The following DIS3L2 variants were observed in gnomAD, a reference collection of about 807,000 sequenced individuals.
The protein encoded by DIS3L2 is DIS3 like 3'-5' exoribonuclease 2, also known as DIS3-like exonuclease 2.
DIS3L2 carries 34 observed loss-of-function variants against 97.5 expected under a neutral mutation model. The ratio of observed to expected loss-of-function variants is 0.35; its 90% CI spans 0.27 to 0.46. The LOEUF is 0.46. Among genes scored for constraint, DIS3L2 ranks in the 20% least tolerant of loss-of-function variants. The pLI is 1.00. For synonymous variants in DIS3L2, 435 were observed against 445.2 expected (o/e 0.98, Z 0.29); for missense variants, 1,038 against 1,146.0 (o/e 0.91, Z 1.36).
At chr2:232,298,364 A>G (rs1188550532) in intron 13 of DIS3L2, among the ~76,000 whole-genome samples, 1 of 152,240 alleles carries the variant, frequency 6.6e-6, no homozygotes, top group Non-Finnish European at 1.5e-5. Flanking sequence ...AATGGACAGA[A>G]TGAATATAGA....
chr2:232,043,149 A>G (rs1695153465), intron 5 of DIS3L2, among the ~76,000 whole-genome samples: 1 of 152,042 alleles, frequency 6.6e-6, no homozygotes, highest in African/African-American at 2.4e-5. Context: ...TTTGTTTCTT[A>G]CTCATGCTCA....
chr2:232,133,144 G>T (rs911725192), intron 7 of DIS3L2, among the ~76,000 whole-genome samples: 6 of 152,144 alleles, frequency 3.9e-5, no homozygotes, highest in African/African-American at 1.4e-4. Context: ...CAATAAAGGT[G>T]ATCCTGCCAC....
chr2:231,983,148 C>T (rs1693309801), intron 1 of DIS3L2, among the ~76,000 whole-genome samples: 1 of 152,152 alleles, frequency 6.6e-6, no homozygotes, highest in Admixed American at 6.5e-5. Flanking sequence ...TATTTGAGAT[C>T]ATCAGAGAGG....
At chr2:232,165,161 G>A (rs1414496173) in intron 9 of DIS3L2, among the ~76,000 whole-genome samples, 1 of 152,142 alleles carries the variant, frequency 6.6e-6, no homozygotes, top group Non-Finnish European at 1.5e-5. Context: ...CATTAATAAA[G>A]GAATGGTTTA....
At chr2:232,131,745 AAT>A (rs1303843709) in intron 7 of DIS3L2, 1 of 152,096 alleles carries the variant, frequency 6.6e-6, no homozygotes, top group Non-Finnish European at 1.5e-5. Context: ...CAAGTTGATT[AAT>A]AGAGTATTGC....
chr2:231,999,603 C>T (rs911693179), intron 1 of DIS3L2, among the ~76,000 whole-genome samples: 2 of 152,096 alleles, frequency 1.3e-5, no homozygotes, highest in African/African-American at 2.4e-5. Context: ...TTTGTTCCAT[C>T]TAGGATATAT....
chr2:232,162,486 A>G (rs1258868789), intron 8 of DIS3L2, among the ~76,000 whole-genome samples: 1 of 152,218 alleles, frequency 6.6e-6, no homozygotes, highest in Non-Finnish European at 1.5e-5. Context: ...TGCACATAAG[A>G]ACTCCAGCAG....
Position 232,238,715 on chromosome 2 carries a change from C to T in DIS3L2, c.1317+70C>T, listed in dbSNP as rs77946099. On this transcript the variant is annotated intron_variant, in intron 11 of 20. Transcript: ENST00000325385. ...GTTTGTTTCCCTGGAAGAGTGTGTG[C>T]TCTCTGTTATTACATGTTCTCCGGA... 4.3e-5 allele frequency: 58 copies of T among 1,354,572 alleles called. 2 individuals carry two copies. The East Asian group carries it at 1.4e-3, about 33-fold the overall frequency. The allele number at this position is 1,354,572 out of a possible 1,614,324, so 83.9% of individuals were successfully genotyped here.
chr2:231,986,530 T>A (rs1329014118), intron 1 of DIS3L2, among the ~76,000 whole-genome samples: 1 of 152,222 alleles, frequency 6.6e-6, no homozygotes, highest in Non-Finnish European at 1.5e-5. Flanking sequence ...TATGTTTCCT[T>A]TACCTCCTTT....
intron 16 of DIS3L2, among the ~76,000 whole-genome samples, chr2:232,332,756 C>G (rs1695777339): frequency 6.6e-6 from 1 of 152,208 alleles, no homozygotes; most frequent in Non-Finnish European, 1.5e-5. Flanking sequence ...AGGCCGGAAA[C>G]TGCCTCCCTT....
chr2:232,343,499 A>G (rs1696160553), exon 14 of DIS3L2: 3 of 1,557,162 alleles, frequency 1.9e-6, no homozygotes, highest in Non-Finnish European at 2.6e-6. Context: ...TTCCTTCAGC[A>G]ACAGAGCCGT....
chr2:232,194,215 G>A (rs1014488291), intron 9 of DIS3L2, among the ~76,000 whole-genome samples: 1 of 151,920 alleles, frequency 6.6e-6, no homozygotes, highest in Non-Finnish European at 1.5e-5. Flanking sequence ...AAATATTAAT[G>A]TATATAGATA....
chr2:232,056,298 G>C (rs564174126), intron 5 of DIS3L2, among the ~76,000 whole-genome samples: 101 of 152,244 alleles, frequency 6.6e-4, no homozygotes, highest in African/African-American at 2.2e-3. Flanking sequence ...TTGAACTTGG[G>C]AGGTGGAGGT....
intron 9 of DIS3L2, among the ~76,000 whole-genome samples, chr2:232,192,614 C>T (rs1691643918): frequency 1.3e-5 from 2 of 152,154 alleles, no homozygotes; most frequent in South Asian, 2.1e-4. Flanking sequence ...AGTCGCGGCA[C>T]CCTCCCTCTG....
intron 8 of DIS3L2, among the ~76,000 whole-genome samples, chr2:232,162,829 C>T (rs1041832072): frequency 1.3e-5 from 2 of 152,180 alleles, no homozygotes; most frequent in Admixed American, 1.3e-4. Flanking sequence ...GATCTGCCTT[C>T]TGAAAGGTGG....
At chr2:231,982,544 T>C (rs560331564) in intron 1 of DIS3L2, among the ~76,000 whole-genome samples, 1 of 152,344 alleles carries the variant, frequency 6.6e-6, no homozygotes, top group Non-Finnish European at 1.5e-5. Context: ...AAGAATGTTT[T>C]ATTTCTTTTC....
intron 9 of DIS3L2, among the ~76,000 whole-genome samples, chr2:232,167,301 A>T (rs2106167347): frequency 6.6e-6 from 1 of 152,306 alleles, no homozygotes; most frequent in African/African-American, 2.4e-5. Context: ...GTGAAAATAG[A>T]AAAATAAAAA....
chr2:232,199,316 T>C (rs1691833401), intron 9 of DIS3L2, among the ~76,000 whole-genome samples: 1 of 152,220 alleles, frequency 6.6e-6, no homozygotes, highest in Admixed American at 6.5e-5. Context: ...AGTCAGCTAA[T>C]TCTTTGTGGC....
intron 6 of DIS3L2, among the ~76,000 whole-genome samples, chr2:232,102,850 T>C (rs559597447): frequency 7.9e-5 from 12 of 152,288 alleles, no homozygotes; most frequent in African/African-American, 2.9e-4. Context: ...TCAATACAAA[T>C]ATAGTCAGGA....
Sources: gnomAD v4.1 joint callset for allele counts (sites outside exome capture counted in the v4.1 genomes callset) on GRCh38, gnomAD v4.1.1 for gene constraint, MANE v1.5 for transcripts, NCBI Gene and HGNC (gene_info 2026-07-23, HGNC 2026-07-21) for gene names.